PCCA: variants seen among roughly 807,000 people sequenced by gnomAD.
The protein encoded by PCCA is propionyl-CoA carboxylase alpha chain, mitochondrial.
A neutral mutation model predicts 101.3 loss-of-function variants in PCCA; 74 were observed. The ratio of observed to expected loss-of-function variants is 0.73; its 90% CI spans 0.61 to 0.89. The LOEUF is 0.89. Among genes scored for constraint, PCCA ranks in the 40% least tolerant of loss-of-function variants. PCCA has a pLI of 0.00. For synonymous variants in PCCA, 294 were observed against 313.6 expected, an observed-to-expected ratio of 0.94 and a Z score of 0.66; for missense variants, 891 against 907.0, an observed-to-expected ratio of 0.98 and a Z score of 0.23.
At chr13:100,128,634 C>T (rs2050192039) in intron 4 of PCCA, among the ~76,000 whole-genome samples, 1 of 152,152 alleles carries the variant, frequency 6.6e-6, no homozygotes, top group African/African-American at 2.4e-5. Flanking sequence ...TCACCCCAGT[C>T]TGCTTCTGTC....
chr13:100,093,186 A>G (rs910225900), intron 1 of PCCA, among the ~76,000 whole-genome samples: 2 of 152,126 alleles, frequency 1.3e-5, no homozygotes, highest in Non-Finnish European at 2.9e-5. Context: ...AGGTATCTGG[A>G]GTTAGATGCC....
At chr13:100,348,717 C>T (rs1187042357) in intron 18 of PCCA, among the ~76,000 whole-genome samples, 5 of 149,822 alleles carry the variant, frequency 3.3e-5, no homozygotes, top group East Asian at 2.0e-4. Context: ...TTTTACTTTC[C>T]GTTTTTTTTC....
chr13:100,252,736 T>G (rs554648078), intron 8 of PCCA, among the ~76,000 whole-genome samples: 340 of 152,322 alleles, frequency 2.2e-3, no homozygotes, highest in African/African-American at 7.9e-3. Flanking sequence ...AGAATCTTCC[T>G]TCATTCATCC....
At chr13:100,286,466 G>A (rs1239654846) in intron 12 of PCCA, among the ~76,000 whole-genome samples, 1 of 152,196 alleles carries the variant, frequency 6.6e-6, no homozygotes, top group African/African-American at 2.4e-5. Flanking sequence ...AGAGCAGGTA[G>A]CAGGTGATCG....
intron 19 of PCCA, among the ~76,000 whole-genome samples, chr13:100,409,155 G>A (rs1198440329): frequency 2.6e-5 from 4 of 152,136 alleles, no homozygotes; most frequent in Non-Finnish European, 5.9e-5. Context: ...AAAGGGCTAT[G>A]GAAAGGTCGG....
chr13:100,364,750 G>C (rs1466190867), intron 18 of PCCA, among the ~76,000 whole-genome samples: 1 of 152,126 alleles, frequency 6.6e-6, no homozygotes, highest in African/African-American at 2.4e-5. Flanking sequence ...ATATCACCCT[G>C]AAAGAAATTG....
chr13:100,339,470 A>T (rs747728822), intron 17 of PCCA, among the ~76,000 whole-genome samples: 11 of 152,158 alleles, frequency 7.2e-5, no homozygotes, highest in Non-Finnish European at 1.6e-4. Context: ...TAACCTATAG[A>T]CCCTGGAGTA....
At chr13:100,468,607 A>G (rs562955949) in intron 21 of PCCA, among the ~76,000 whole-genome samples, 6 of 152,242 alleles carry the variant, frequency 3.9e-5, no homozygotes, top group Non-Finnish European at 7.4e-5. Context: ...CTAGCTTCAC[A>G]CTTTTCTTTT....
chr13:100,498,838 A>G (rs1408960617), intron 21 of PCCA, among the ~76,000 whole-genome samples: 1 of 152,100 alleles, frequency 6.6e-6, no homozygotes, highest in South Asian at 2.1e-4. Context: ...TTTTGGAGTG[A>G]TATTTCCTGG....
chr13:100,321,284 C>T (rs1177402788), intron 16 of PCCA, among the ~76,000 whole-genome samples: 2 of 152,142 alleles, frequency 1.3e-5, no homozygotes, highest in Non-Finnish European at 2.9e-5. Flanking sequence ...TTTTATTTAG[C>T]CTGATCTCTT....
chr13:100,119,066 G>A (rs991760100), intron 4 of PCCA, among the ~76,000 whole-genome samples: 10 of 151,696 alleles, frequency 6.6e-5, no homozygotes, highest in African/African-American at 2.4e-4. Flanking sequence ...TTTTTGCATC[G>A]ATAATGAAAA....
intron 7 of PCCA, among the ~76,000 whole-genome samples, chr13:100,230,578 A>T (rs1179978890): frequency 2.0e-5 from 3 of 151,666 alleles, no homozygotes; most frequent in Admixed American, 2.0e-4. Context: ...ATTAGCTGAA[A>T]CTGGAAGCAT....
chr13:100,416,333 G>C (rs1624962), intron 19 of PCCA, among the ~76,000 whole-genome samples: 9,472 of 151,478 alleles, frequency 0.063, 923 homozygotes, highest in African/African-American at 0.21. Flanking sequence ...AGGTGCCCAC[G>C]ACCATGCCCA....
chr13:100,264,367 G>A (rs887381752), intron 10 of PCCA, among the ~76,000 whole-genome samples: 1 of 151,974 alleles, frequency 6.6e-6, no homozygotes, highest in African/African-American at 2.4e-5. Context: ...CAACCATCCA[G>A]GTCTAGATAG....
At chr13:100,271,369 C>T (rs562506161) in intron 11 of PCCA, among the ~76,000 whole-genome samples, 1 of 151,886 alleles carries the variant, frequency 6.6e-6, no homozygotes. Context: ...AAGTACACTT[C>T]CCACCTGTGA....
intron 16 of PCCA, among the ~76,000 whole-genome samples, chr13:100,323,110 T>TA (rs1010308771): frequency 6.6e-6 from 1 of 152,252 alleles, no homozygotes; most frequent in Non-Finnish European, 1.5e-5. Context: ...AGGTTTCTGT[T>TA]ACAACTGCTT....
Position 100,273,299 on chromosome 13 carries a change from G to A in PCCA, c.1018G>A (p.Asp340Asn). 6.2e-7 allele frequency: 1 copy of A among 1,612,584 alleles called. No homozygotes were observed. The highest frequency in any genetic ancestry group is 2.2e-5 in the East Asian group (1 of 44,854). ...SSAGTVEFLV[D>N]SKKNFYFLEM... ...TGCTGGGACCGTGGAGTTCCTTGTG[G>A]ACTCTAAGAAGAATTTTTATTTCTT... Residue 340 changes from aspartate (D) to asparagine (N), a missense_variant, in exon 12 of 24, where the codon GAC becomes AAC. Coordinates refer to ENST00000376285, the MANE Select transcript of PCCA (RefSeq NM_000282.4).
chr13:100,436,036 T>A (rs2079905037), intron 20 of PCCA, among the ~76,000 whole-genome samples: 1 of 145,182 alleles, frequency 6.9e-6, no homozygotes, highest in Non-Finnish European at 1.5e-5. Flanking sequence ...AGAGCGAAAC[T>A]CTGTCTCAAA....
At chr13:100,161,460 G>T (rs1215736325) in intron 6 of PCCA, 1 of 152,194 alleles carries the variant, frequency 6.6e-6, no homozygotes, top group Non-Finnish European at 1.5e-5. Context: ...TGGCTTCCCT[G>T]CAGGGTCATT....
Sources: gnomAD v4.1 joint callset for allele counts (sites outside exome capture counted in the v4.1 genomes callset) on GRCh38, gnomAD v4.1.1 for gene constraint, MANE v1.5 for transcripts, NCBI Gene and HGNC (gene_info 2026-07-23, HGNC 2026-07-21) for gene names.